Variants in BCAS3 observed in about 807,000 individuals in gnomAD.
BCAS3 encodes BCAS4/BCAS3 fusion.
BCAS3 carries 53 observed loss-of-function variants against 116.1 expected under a neutral mutation model. The ratio of observed to expected loss-of-function variants is 0.46; its 90% confidence interval spans 0.37 to 0.57. The LOEUF is 0.57. Ranked by LOEUF, BCAS3 falls within the 20% of genes least tolerant of loss-of-function variation. The pLI is 0.00. For synonymous variants in BCAS3, 391 were observed against 408.2 expected, an observed-to-expected ratio of 0.96 and a Z score of 0.51; for missense variants, 917 against 1,165.4, an observed-to-expected ratio of 0.79 and a Z score of 3.10.
rs1221992353 is a variant in BCAS3, at chr17:61,045,943, TTA to T, written c.2029+5060_2029+5061del. Among the ~76,000 whole-genome samples, 76 of 16,632 alleles carry T rather than the reference TTA, an allele frequency of 4.6e-3. 2 individuals carry two copies. Among genetic ancestry groups the T allele is most frequent in the Non-Finnish European group, 5.4e-3 (68 of 12,624 alleles). The allele number at this position is 16,632 out of a possible 152,430, so 10.9% of individuals were successfully genotyped here. The stretch of plus-strand genomic sequence containing the variant: ...TATATAATATATATAAATATATATA[TTA>T]TATATATAAATATATATATAATATA... On this transcript the variant is annotated intron_variant, in intron 19 of 23. Transcript: ENST00000407086.
intron 22 of BCAS3, among the ~76,000 whole-genome samples, chr17:61,207,936 A>G (rs1601911755): frequency 1.3e-5 from 2 of 152,194 alleles, no homozygotes; most frequent in Admixed American, 1.3e-4. Context: ...GGCTAAAAAC[A>G]TTGGCTTTGC....
In BCAS3 at chr17:61,251,617, A is replaced by T. The variant is rs1047420718; in HGVS notation, c.2426-116710A>T. Among the ~76,000 whole-genome samples, 17 of 152,056 alleles carry T rather than the reference A, an allele frequency of 1.1e-4. No homozygotes were observed. Among genetic ancestry groups the T allele is most frequent in the African/African-American group, 4.1e-4 (17 of 41,514 alleles). On this transcript the variant is annotated intron_variant, in intron 22 of 23. Coordinates refer to ENST00000407086, the MANE Select transcript of BCAS3 (RefSeq NM_017679.5). The surrounding 1 kb of genome is among the most constrained non-coding windows in gnomAD (Gnocchi z 4.7). ...AAGACTGGATCCTGGTCCATCCAAG[A>T]TGCTGCCCTTGAGACCTCTGGGTTG...
At chr17:61,202,801 GT>G (rs1413003192) in intron 22 of BCAS3, among the ~76,000 whole-genome samples, 87 of 152,280 alleles carry the variant, frequency 5.7e-4, no homozygotes, top group Admixed American at 5.0e-3. Context: ...GATGGTCTGA[GT>G]TTTCAAAAGA....
At chr17:60,969,237 G>A (rs943791856) in intron 14 of BCAS3, among the ~76,000 whole-genome samples, 9 of 152,028 alleles carry the variant, frequency 5.9e-5, no homozygotes, top group African/African-American at 2.2e-4. Flanking sequence ...CTATACCACC[G>A]TTTTGGAACT....
At chr17:61,209,941 C>A (rs919614350) in intron 22 of BCAS3, among the ~76,000 whole-genome samples, 2 of 152,172 alleles carry the variant, frequency 1.3e-5, no homozygotes, top group African/African-American at 4.8e-5. Context: ...TTATGAAGAT[C>A]ACCCACCCTT....
At chr17:60,966,662 CTTT>C (rs754857618) in intron 14 of BCAS3, among the ~76,000 whole-genome samples, 37 of 133,060 alleles carry the variant, frequency 2.8e-4, no homozygotes, top group Middle Eastern at 3.9e-3. Flanking sequence ...TATCACCCAA[CTTT>C]TTTTTTTTTT....
At chr17:60,770,497 C>T (rs939236078) in intron 6 of BCAS3, among the ~76,000 whole-genome samples, 2 of 139,466 alleles carry the variant, frequency 1.4e-5, no homozygotes, top group Admixed American at 1.5e-4. Context: ...CGGCTCACTG[C>T]AACCTCCGAC....
At chr17:61,338,888 GAAAAAAAAAAAAAAAAA>G (rs57701817) in intron 22 of BCAS3, among the ~76,000 whole-genome samples, 5 of 67,318 alleles carry the variant, frequency 7.4e-5, no homozygotes, top group African/African-American at 1.4e-4. Flanking sequence ...CCCTTACTGG[GAAAAAAAAAAAAAAAAA>G]AAAAAAAAAA....
At chr17:60,729,885 A>G (rs1373885031) in intron 5 of BCAS3, among the ~76,000 whole-genome samples, 1 of 152,058 alleles carries the variant, frequency 6.6e-6, no homozygotes, top group Non-Finnish European at 1.5e-5. Flanking sequence ...CTAGGCCGAC[A>G]CTCTCTATAA....
At chr17:60,761,633 A>G (rs1423254191) in intron 6 of BCAS3, among the ~76,000 whole-genome samples, 1 of 151,948 alleles carries the variant, frequency 6.6e-6, no homozygotes, top group Non-Finnish European at 1.5e-5. Context: ...GGTTCCATGT[A>G]TTTGCTTTTG....
intron 22 of BCAS3, among the ~76,000 whole-genome samples, chr17:61,155,648 T>C (rs2077792715): frequency 6.6e-6 from 1 of 152,310 alleles, no homozygotes; most frequent in Admixed American, 6.5e-5. Flanking sequence ...GCGACAGTCA[T>C]ACAAGCGAGA....
At chr17:60,936,007 CT>C (rs2059902836) in intron 13 of BCAS3, among the ~76,000 whole-genome samples, 1 of 151,824 alleles carries the variant, frequency 6.6e-6, no homozygotes, top group African/African-American at 2.4e-5. Context: ...TCCCTCCCCC[CT>C]TCCCCCCACC....
At chr17:60,861,982 A>T (rs998120004) in intron 7 of BCAS3, among the ~76,000 whole-genome samples, 1 of 152,108 alleles carries the variant, frequency 6.6e-6, no homozygotes, top group Non-Finnish European at 1.5e-5. Context: ...AGGTTTTGGT[A>T]TCAGAATGAA....
rs1484697275 is a variant in BCAS3, at chr17:61,204,152, T to C, written c.2425+119588T>C. On this transcript the variant is annotated intron_variant, in intron 22 of 23. Transcript: ENST00000407086. The surrounding 1 kb of genome is among the most constrained non-coding windows in gnomAD (Gnocchi z 4.2). ...TCTCTGAGCCAAACCTGCCTTTGTTTACAACTTTTCCGGAAATTTTCACAG... is the reference window on the plus strand; with the variant it reads ...TCTCTGAGCCAAACCTGCCTTTGTTCACAACTTTTCCGGAAATTTTCACAG... Among the ~76,000 whole-genome samples, 1 of 152,230 alleles carries C rather than the reference T, an allele frequency of 6.6e-6. No homozygotes were observed. Among genetic ancestry groups the C allele is most frequent in the African/African-American group, 2.4e-5 (1 of 41,460 alleles).
At chr17:61,240,129 G>C (rs911928917) in intron 22 of BCAS3, among the ~76,000 whole-genome samples, 2 of 144,650 alleles carry the variant, frequency 1.4e-5, no homozygotes, top group African/African-American at 2.6e-5. Context: ...GCAGCAGCAG[G>C]AGGAGGAGCT....
In BCAS3 at chr17:61,380,316, G is replaced by A. The variant is rs910383761; in HGVS notation, c.2594-11661G>A. On this transcript the variant is annotated intron_variant, in intron 23 of 23. Transcript: ENST00000407086. The surrounding 1 kb of genome is among the most constrained non-coding windows in gnomAD (Gnocchi z 4.2). ...AGGGAGAGAGGGAAGGATGATACCA[G>A]TTTAGGCTAGTGAGAAATCTGTAAA... 8 of 617,988 alleles carry A rather than the reference G, an allele frequency of 1.3e-5. No individual in the cohort carries two copies. The African/African-American group carries it at 1.5e-4, about 11-fold the overall frequency. 38.3% of individuals were successfully genotyped at this position (617,988 alleles called of 1,614,324 possible).
intron 6 of BCAS3, among the ~76,000 whole-genome samples, chr17:60,771,092 A>G (rs1314900647): frequency 6.6e-6 from 1 of 151,870 alleles, no homozygotes; most frequent in Non-Finnish European, 1.5e-5. Context: ...ACAGCGGTAA[A>G]CCACCACGCC....
chr17:60,777,700 T>C (rs2045442844), intron 6 of BCAS3, among the ~76,000 whole-genome samples: 1 of 152,108 alleles, frequency 6.6e-6, no homozygotes, highest in Admixed American at 6.5e-5. Context: ...CCATGTGGCA[T>C]TCACTTTTCA....
At chr17:61,212,971 C>T (rs977847664) in intron 22 of BCAS3, among the ~76,000 whole-genome samples, 3 of 151,954 alleles carry the variant, frequency 2.0e-5, no homozygotes, top group Non-Finnish European at 2.9e-5. Context: ...CAGTTAATAC[C>T]TTTTTCATTA....
Sources: gnomAD v4.1 joint callset for allele counts (sites outside exome capture counted in the v4.1 genomes callset) on GRCh38, gnomAD v4.1.1 for gene constraint, Gnocchi (gnomAD v3.1) non-coding constraint, MANE v1.5 for transcripts, NCBI Gene and HGNC (gene_info 2026-07-23, HGNC 2026-07-21) for gene names.